RAPGEF1: variants seen among roughly 807,000 people sequenced by gnomAD.
The protein encoded by RAPGEF1 is Rap guanine nucleotide exchange factor 1.
Under a neutral mutation model 143.3 loss-of-function variants are expected in RAPGEF1, and 33 were observed. The ratio of observed to expected loss-of-function variants is 0.23; its 90% CI spans 0.17 to 0.31. The LOEUF (loss-of-function observed/expected upper bound fraction) is 0.31, where lower values mean the gene tolerates loss of function less well. Among genes scored for constraint, RAPGEF1 ranks in the 10% least tolerant of loss-of-function variants. The pLI, the probability that RAPGEF1 is intolerant of heterozygous loss-of-function variation, is 1.00. For synonymous variants in RAPGEF1, 629 were observed against 676.5 expected, an observed-to-expected ratio of 0.93 and a Z score of 1.09; for missense variants, 1,199 against 1,645.4, an observed-to-expected ratio of 0.73 and a Z score of 4.69.
In RAPGEF1 at chr9:131,731,857, G is replaced by A. The variant is rs575513100; in HGVS notation, c.61+7913C>T. On this transcript the variant is annotated intron_variant, in intron 1 of 26. Transcript: ENST00000683357. Reference sequence around the variant, plus strand: ...AAAGCTGCTGCTAAGGGACTGTGGGGACAGAAGTCTAAGCTGTTACAGGAG... The same window carrying A: ...AAAGCTGCTGCTAAGGGACTGTGGGAACAGAAGTCTAAGCTGTTACAGGAG... Among the ~76,000 whole-genome samples the A allele has an allele frequency of 5.8e-4, 88 of 152,320 alleles. 1 individual carries two copies. Among genetic ancestry groups the A allele is most frequent in the African/African-American group, 1.7e-3 (72 of 41,580 alleles).
At chr9:131,629,069 T>C (rs1406110222) in intron 7 of RAPGEF1, 33 bp downstream of exon 7, 7 of 1,599,020 alleles carry the variant, frequency 4.4e-6, no homozygotes, top group African/African-American at 2.7e-5. Context: ...CATTCTGCCA[T>C]GGGAGGCACT....
chr9:131,682,893 T>A (rs1348175540), intron 1 of RAPGEF1, among the ~76,000 whole-genome samples: 4 of 152,226 alleles, frequency 2.6e-5, no homozygotes, highest in Admixed American at 6.5e-5. Flanking sequence ...CCGCTCAATG[T>A]AACATATTTG....
rs749829433 is a variant in RAPGEF1 at position 131,584,410 on chromosome 9, G to A, written c.3315C>T (p.His1105=). The stretch of plus-strand genomic sequence containing the variant: ...AGTTGAAGTTATTCAGCTTCCGCAA[G>A]TGCTGCCGAGAGAGGGGCGGTGCCG... ...LLLKFIKIMK[H]LRKLNNFNSY... is the part of the protein sequence containing the mutation. The change falls in exon 24 of 27, where the codon CAC becomes CAT. Residue 1105 remains histidine (H), a splice_region_variant and synonymous_variant. Coordinates refer to ENST00000683357, the MANE Select transcript of RAPGEF1 (RefSeq NM_001377935.1). This position sits in a 1 kb window ranked among gnomAD's most constrained non-coding sequence, Gnocchi z 6.8. 6.2e-7 allele frequency: 1 copy of A among 1,613,942 alleles called. No homozygotes were observed.
chr9:131,739,864 G>A lies in RAPGEF1; in HGVS notation c.-34C>T, dbSNP rs1837642370. The A allele has an allele frequency of 2.0e-6, 2 of 996,976 alleles. No homozygotes were observed. Among genetic ancestry groups the A allele is most frequent in the South Asian group, 4.5e-5 (1 of 22,240 alleles). The allele number at this position is 996,976 out of a possible 1,614,324, so 61.8% of individuals were successfully genotyped here. On this transcript the variant is annotated 5_prime_UTR_variant, in exon 1 of 27. Transcript: ENST00000683357. ...GGCCGGGCCGCCGCGGGGCGACAGG[G>A]GCGGCGCGCCCGCCGCTCGCCTCGG...
In RAPGEF1 at chr9:131,626,376, G is replaced by T; in HGVS notation, c.1248C>A (p.Asn416Lys). 6.2e-7 allele frequency: 1 copy of T among 1,611,400 alleles called. No homozygotes were observed. ...CCGTCTGCTGAGGTATCTGGTCTGC[G>T]TTAGAGAGGTCTTGCTGGAGGAATT... is the stretch of plus-strand genomic sequence containing the variant. Reference protein sequence around the residue: ...DYEFLQQDLSNADQIPQQTAW... With the variant: ...DYEFLQQDLSKADQIPQQTAW... The change falls in exon 10 of 27, where the codon AAC becomes AAA. Residue 416 changes from asparagine (N) to lysine (K), a missense_variant. By Grantham distance (94) the Asn-to-Lys change is moderately conservative. Around this residue, in one of 6 missense-constraint regions of RAPGEF1, gnomAD observed 613 missense variants for 710.9 expected, o/e 0.86. Coordinates refer to ENST00000683357, the MANE Select transcript of RAPGEF1 (RefSeq NM_001377935.1).
chr9:131,626,144 A>C lies in RAPGEF1; in HGVS notation c.1480T>G (p.Ser494Ala). ...TACTGCGAGGGATGCCGCTCGTAGGACACCCTGCAGCCAGAGCCGTCCGCC... is the reference window on the plus strand; with the variant it reads ...TACTGCGAGGGATGCCGCTCGTAGGCCACCCTGCAGCCAGAGCCGTCCGCC... ...QTADGSGCRV[S>A]YERHPSQYDN... is the part of the protein sequence containing the mutation. The change falls in exon 10 of 27, where the codon TCC (serine) becomes GCC (alanine). Residue 494 changes from serine (S) to alanine (A), a missense_variant. By Grantham distance (99) the Ser-to-Ala change is moderately conservative. This residue lies in a region of RAPGEF1 where 613 missense variants were observed against 710.9 expected (regional missense o/e 0.86). Coordinates refer to ENST00000683357, the MANE Select transcript of RAPGEF1 (RefSeq NM_001377935.1). 6.2e-7 allele frequency: 1 copy of C among 1,613,722 alleles called. No individual in the cohort carries two copies. Among genetic ancestry groups the C allele is most frequent in the South Asian group, 1.1e-5 (1 of 91,072 alleles).
chr9:131,677,426 T>C (rs1374043814), intron 1 of RAPGEF1, among the ~76,000 whole-genome samples: 1 of 152,150 alleles, frequency 6.6e-6, no homozygotes, highest in Non-Finnish European at 1.5e-5. Flanking sequence ...AACTGGAAAA[T>C]TTCTAGAAGG....
intron 17 of RAPGEF1, among the ~76,000 whole-genome samples, chr9:131,593,557 G>T (rs1954729909): frequency 6.6e-6 from 1 of 152,202 alleles, no homozygotes; most frequent in South Asian, 2.1e-4. Context: ...CGAGCTGCTG[G>T]GTAGAGGAAT....
intron 3 of RAPGEF1, among the ~76,000 whole-genome samples, chr9:131,646,477 G>A (rs549646771): frequency 2.6e-5 from 4 of 152,216 alleles, no homozygotes; most frequent in Admixed American, 1.3e-4. Flanking sequence ...TGCCCCGTGG[G>A]CCATATTCAT....
At chr9:131,676,007 TC>T (rs1324170050) in intron 1 of RAPGEF1, among the ~76,000 whole-genome samples, 1 of 151,936 alleles carries the variant, frequency 6.6e-6, no homozygotes, top group Non-Finnish European at 1.5e-5. Context: ...GCTCAAGTGA[TC>T]CTTCCACCTT....
intron 1 of RAPGEF1, among the ~76,000 whole-genome samples, chr9:131,705,841 C>G (rs376951697): frequency 1.2e-4 from 19 of 152,258 alleles, no homozygotes; most frequent in East Asian, 3.9e-4. Flanking sequence ...GGCTGTAAGA[C>G]TCATGTTTTT....
intron 1 of RAPGEF1, among the ~76,000 whole-genome samples, chr9:131,721,251 A>T (rs1332928657): frequency 1.3e-5 from 2 of 152,166 alleles, no homozygotes; most frequent in Non-Finnish European, 2.9e-5. Flanking sequence ...AAATCAGGAC[A>T]TTTCGAAGGG....
chr9:131,665,466 C>T (rs74856239), intron 1 of RAPGEF1, among the ~76,000 whole-genome samples: 13,361 of 152,064 alleles, frequency 0.088, 727 homozygotes, highest in East Asian at 0.25. Context: ...AATGGACGAC[C>T]GCGATGGCTT....
At chr9:131,673,533 A>G (rs1230809126) in intron 1 of RAPGEF1, among the ~76,000 whole-genome samples, 5 of 152,342 alleles carry the variant, frequency 3.3e-5, no homozygotes, top group Admixed American at 1.3e-4. Context: ...TGGACTTAGA[A>G]TTTTCTAAAC....
intron 3 of RAPGEF1, among the ~76,000 whole-genome samples, chr9:131,648,727 C>T (rs888731216): frequency 2.0e-5 from 3 of 152,156 alleles, no homozygotes; most frequent in African/African-American, 4.8e-5. Flanking sequence ...AGTCACCTTT[C>T]GTTAAAAGAG....
rs1165391734 is a variant in RAPGEF1, at chr9:131,628,047, T to G, written c.1067A>C (p.His356Pro). The G allele has an allele frequency of 6.4e-7, 1 of 1,567,996 alleles. No individual in the cohort carries two copies. The highest frequency in any genetic ancestry group is 2.4e-5 in the East Asian group (1 of 42,522). Residue 356 changes from histidine to proline, a missense_variant, in exon 9 of 27, where the codon CAC becomes CCC. By Grantham distance (77) the His-to-Pro change is moderately conservative (BLOSUM62 -2). Transcript: ENST00000683357. The surrounding 1 kb of genome is among the most constrained non-coding windows in gnomAD (Gnocchi z 5.7). ...YAQRRLSGGSHSYGGESPRLS... is the reference protein window; with the variant it reads ...YAQRRLSGGSPSYGGESPRLS... ...GCGGGGCGACTCTCCACCATATGAG[T>G]GGCTGCCTCCTGACAGTCGCCTCTG...
chr9:131,695,655 GA>G (rs536924499), intron 1 of RAPGEF1, among the ~76,000 whole-genome samples: 16 of 152,306 alleles, frequency 1.1e-4, no homozygotes, highest in Admixed American at 4.6e-4. Flanking sequence ...GGCTCACCCA[GA>G]AGAGGTGCAT....
intron 25 of RAPGEF1, among the ~76,000 whole-genome samples, chr9:131,580,717 TAAC>T (rs1199029991): frequency 6.6e-6 from 1 of 150,484 alleles, no homozygotes; most frequent in African/African-American, 2.5e-5. Context: ...AAAAAAAAAA[TAAC>T]AAAACCCAAA....
At chr9:131,663,935 C>G (rs1383247180) in intron 1 of RAPGEF1, among the ~76,000 whole-genome samples, 3 of 152,176 alleles carry the variant, frequency 2.0e-5, no homozygotes, top group Admixed American at 1.3e-4. Flanking sequence ...CTGGTGGTTA[C>G]ACATTGGTGA....
Sources: gnomAD v4.1 joint callset for allele counts (sites outside exome capture counted in the v4.1 genomes callset) on GRCh38, gnomAD v4.1.1 for gene constraint, gnomAD v4.1.1 regional missense constraint, Gnocchi (gnomAD v3.1) non-coding constraint, MANE v1.5 for transcripts, NCBI Gene and HGNC (gene_info 2026-07-23, HGNC 2026-07-21) for gene names.